Variants in DNAH11 observed in about 807,000 individuals in gnomAD.
The protein encoded by DNAH11 is axonemal beta dynein heavy chain 11.
DNAH11 carries 442 observed loss-of-function variants against 526.0 expected under a neutral mutation model. That is an observed-to-expected ratio of 0.84 (90% CI 0.78 to 0.91). DNAH11 has a LOEUF of 0.91. DNAH11 is among the 40% of genes least tolerant of loss of function. The probability of loss-of-function intolerance (pLI) is 0.00; values close to 1 mark genes in which losing one functional copy is unlikely to be tolerated. For synonymous variants in DNAH11, 2,461 were observed against 1,935.9 expected, an observed-to-expected ratio of 1.27 and a Z score of -7.12; for missense variants, 6,989 against 5,448.7, an observed-to-expected ratio of 1.28 and a Z score of -8.90.
intron 61 of DNAH11, among the ~76,000 whole-genome samples, chr7:21,793,123 A>C (rs1263952758): frequency 6.6e-6 from 1 of 152,094 alleles, no homozygotes; most frequent in African/African-American, 2.4e-5. Context: ...TCTTAATGTC[A>C]TTGACCAACT....
At chr7:21,599,326 G>C (rs1180424875) in intron 14 of DNAH11, among the ~76,000 whole-genome samples, 1 of 152,210 alleles carries the variant, frequency 6.6e-6, no homozygotes, top group Non-Finnish European at 1.5e-5. Flanking sequence ...GAATGGCATA[G>C]AGTACATAGT....
intron 18 of DNAH11, among the ~76,000 whole-genome samples, chr7:21,602,846 C>T (rs1440589492): frequency 6.6e-6 from 1 of 152,130 alleles, no homozygotes; most frequent in African/African-American, 2.4e-5. Context: ...TCTATACTTG[C>T]TCCCATCAAT....
At chr7:21,817,337 T>C (rs1583730539) in intron 64 of DNAH11, among the ~76,000 whole-genome samples, 1 of 152,208 alleles carries the variant, frequency 6.6e-6, no homozygotes, top group South Asian at 2.1e-4. Flanking sequence ...CCTTCCATCC[T>C]CTTTTTATAT....
At chr7:21,551,780 G>A (rs1316905272) in intron 2 of DNAH11, among the ~76,000 whole-genome samples, 1 of 152,204 alleles carries the variant, frequency 6.6e-6, no homozygotes, top group Non-Finnish European at 1.5e-5. Context: ...TATCTAAGCA[G>A]TTCTGGTCTG....
chr7:21,882,522 G>A (rs777008013), intron 75 of DNAH11, among the ~76,000 whole-genome samples: 4 of 152,154 alleles, frequency 2.6e-5, no homozygotes, highest in African/African-American at 9.7e-5. Context: ...GAGGCCAGGC[G>A]TGATGGCTCA....
At chr7:21,558,525 C>A (rs1464721365) in intron 2 of DNAH11, among the ~76,000 whole-genome samples, 2 of 152,306 alleles carry the variant, frequency 1.3e-5, no homozygotes, top group East Asian at 3.9e-4. Context: ...GACATAGCTG[C>A]TTATTTCATG....
At chr7:21,575,709 G>A (rs1291504715) in intron 8 of DNAH11, among the ~76,000 whole-genome samples, 6 of 151,982 alleles carry the variant, frequency 3.9e-5, no homozygotes. Flanking sequence ...CTCCCCAAAG[G>A]CATCTCTATT....
At chr7:21,782,723 C>G (rs1033186483) in intron 57 of DNAH11, among the ~76,000 whole-genome samples, 1 of 151,988 alleles carries the variant, frequency 6.6e-6, no homozygotes, top group Non-Finnish European at 1.5e-5. Context: ...ACCAGCCTGG[C>G]CAACATGGTG....
chr7:21,579,135 GA>G (rs1784216030), intron 8 of DNAH11, among the ~76,000 whole-genome samples: 1 of 152,120 alleles, frequency 6.6e-6, no homozygotes, highest in Non-Finnish European at 1.5e-5. Flanking sequence ...GTGCCTTTTA[GA>G]CACTAAGTCA....
chr7:21,695,374 T>C (rs1243729277), intron 35 of DNAH11, among the ~76,000 whole-genome samples: 1 of 152,194 alleles, frequency 6.6e-6, no homozygotes, highest in Non-Finnish European at 1.5e-5. Flanking sequence ...CAAAACAGCA[T>C]GGTACTGGTA....
chr7:21,619,121 G>A lies in DNAH11; in HGVS notation c.4276G>A (p.Ala1426Thr). 5 of 1,613,572 alleles carry A rather than the reference G, an allele frequency of 3.1e-6. No individual in the cohort carries two copies. The South Asian group carries it at 5.5e-5, about 18-fold the overall frequency. Residue 1426 changes from alanine to threonine, a missense_variant, in exon 24 of 82, where the codon GCC becomes ACC. Coordinates refer to ENST00000409508, the MANE Select transcript of DNAH11 (RefSeq NM_001277115.2). ...AIGVKFLINE[A>T]TTLADLLALR... The stretch of plus-strand genomic sequence containing the variant: ...TCAGGTCAAGTTTTTAATAAATGAA[G>A]CCACAACTTTGGCAGATTTGTTAGC...
chr7:21,876,862 G>A (rs1783733792), intron 74 of DNAH11, among the ~76,000 whole-genome samples: 2 of 152,240 alleles, frequency 1.3e-5, no homozygotes, highest in Non-Finnish European at 2.9e-5. Flanking sequence ...TAGTCACATT[G>A]CATTACCTAG....
intron 30 of DNAH11, among the ~76,000 whole-genome samples, chr7:21,672,924 C>G (rs1420336542): frequency 1.3e-5 from 2 of 152,152 alleles, no homozygotes; most frequent in Non-Finnish European, 2.9e-5. Context: ...ACATGGTGAA[C>G]CCACTGTCAT....
In DNAH11 at chr7:21,776,563, A is replaced by G. The variant is rs906073433; in HGVS notation, c.9337-2395A>G. ...AAAGCTGTAAGCACCTTTTATAGCC[A>G]AATAACCTCTCTCTAGATGTCAGCT... On this transcript the variant is annotated intron_variant, in intron 56 of 81. Coordinates refer to ENST00000409508, the MANE Select transcript of DNAH11 (RefSeq NM_001277115.2). 2.0e-5 allele frequency among the ~76,000 whole-genome samples: 3 copies of G among 152,322 alleles called. No individual in the cohort carries two copies. The East Asian group carries it at 5.8e-4, about 29-fold the overall frequency.
intron 28 of DNAH11, among the ~76,000 whole-genome samples, chr7:21,640,530 T>A (rs1223513425): frequency 6.6e-6 from 1 of 152,176 alleles, no homozygotes; most frequent in Non-Finnish European, 1.5e-5. Flanking sequence ...ATCATATTAT[T>A]TAAATACAGT....
In DNAH11 at chr7:21,901,278, C is replaced by A. The variant is rs1202770509; in HGVS notation, c.*24C>A. 3.8e-6 allele frequency: 6 copies of A among 1,591,392 alleles called. No individual in the cohort carries two copies. Among genetic ancestry groups the A allele is most frequent in the South Asian group, 1.1e-5 (1 of 87,140 alleles). On this transcript the variant is annotated 3_prime_UTR_variant, in exon 82 of 82. Transcript: ENST00000409508. ...AAGGTAACACTGGCATTCCTCTAGC[C>A]TCTGCTGGAGTGCAGTGAGGATTTT...
At chr7:21,849,904 C>G (rs1038436138) in intron 66 of DNAH11, among the ~76,000 whole-genome samples, 1 of 151,318 alleles carries the variant, frequency 6.6e-6, no homozygotes, top group African/African-American at 2.4e-5. Context: ...AATCTTTCTT[C>G]TGCTCATTTT....
chr7:21,852,380 C>G, intron 66 of DNAH11, 87 bp from the exon 67 acceptor site: 1 of 1,383,522 alleles, frequency 7.2e-7, no homozygotes, highest in Non-Finnish European at 9.7e-7. Flanking sequence ...GTACTCCAGC[C>G]TGGGCGACAG....
At chr7:21,548,884 C>CTTT (rs201226653) in intron 2 of DNAH11, among the ~76,000 whole-genome samples, 4 of 145,576 alleles carry the variant, frequency 2.7e-5, no homozygotes, top group Non-Finnish European at 6.1e-5. Context: ...CAATGACAGA[C>CTTT]TTTTTTTTTT....
Sources: allele counts gnomAD v4.1 joint callset (sites outside exome capture counted in the v4.1 genomes callset), GRCh38; gene constraint gnomAD v4.1.1; transcripts MANE v1.5; gene names NCBI Gene and HGNC (gene_info 2026-07-23, HGNC 2026-07-21).